ATP11A: variants seen among roughly 807,000 people sequenced by gnomAD.
ATP11A encodes the protein ATPase phospholipid transporting 11A, also known as phospholipid-transporting ATPase IH.
A neutral mutation model predicts 154.4 loss-of-function variants in ATP11A; 81 were observed. The observed-to-expected ratio is 0.52, with a 90% CI of 0.44 to 0.63. ATP11A has a LOEUF of 0.63. Among genes scored for constraint, ATP11A ranks in the 30% least tolerant of loss-of-function variants. ATP11A has a pLI of 0.00. For synonymous variants in ATP11A, 623 were observed against 585.9 expected (o/e 1.06, Z -0.91); for missense variants, 1,316 against 1,474.3 (o/e 0.89, Z 1.76).
chr13:112,769,822 G>A (rs942692359), intron 1 of ATP11A, among the ~76,000 whole-genome samples: 1 of 152,220 alleles, frequency 6.6e-6, no homozygotes, highest in South Asian at 2.1e-4. Context: ...TCAGAGCCGC[G>A]GGGAAGCCAG....
intron 17 of ATP11A, among the ~76,000 whole-genome samples, chr13:112,844,801 T>TACTAACCA (rs1566562568): frequency 4.3e-5 from 3 of 69,004 alleles, no homozygotes; most frequent in African/African-American, 2.4e-4. Context: ...CGGGTGTTAG[T>TACTAACCA]GGTACTAACC....
chr13:112,766,116 C>G (rs2077071059), intron 1 of ATP11A, among the ~76,000 whole-genome samples: 1 of 152,068 alleles, frequency 6.6e-6, no homozygotes, highest in African/African-American at 2.4e-5. Flanking sequence ...AGACGGACTT[C>G]TTATTCTTCA....
intron 1 of ATP11A, among the ~76,000 whole-genome samples, chr13:112,723,285 T>TCCCCACCTCCCCCCCCCCCCCCCACCC (rs146915840): frequency 8.8e-5 from 1 of 11,394 alleles, no homozygotes; most frequent in African/African-American, 4.0e-4. Flanking sequence ...GCCACAGAGT[T>TCCCCACCTCCCCCCCCCCCCCCCACCC]CCCCACCTCC....
chr13:112,837,131 G>C (rs1051837772), intron 16 of ATP11A, among the ~76,000 whole-genome samples: 6 of 152,192 alleles, frequency 3.9e-5, no homozygotes, highest in Non-Finnish European at 5.9e-5. Context: ...GGGCCCGTGG[G>C]CTCCGTCTGC....
At chr13:112,811,278 A>G (rs1403038541) in intron 5 of ATP11A, among the ~76,000 whole-genome samples, 1 of 150,518 alleles carries the variant, frequency 6.6e-6, no homozygotes, top group Non-Finnish European at 1.5e-5. Context: ...CCATCCCCAC[A>G]CACACCCTCC....
intron 15 of ATP11A, 29 bp from the exon 16 acceptor site, chr13:112,836,149 C>A: frequency 1.9e-6 from 3 of 1,562,208 alleles, no homozygotes; most frequent in Non-Finnish European, 2.6e-6. Flanking sequence ...CCCGTGTGGA[C>A]GGTGTGACCT....
intron 1 of ATP11A, among the ~76,000 whole-genome samples, chr13:112,748,695 A>G (rs2139797673): frequency 6.6e-6 from 1 of 152,290 alleles, no homozygotes; most frequent in Middle Eastern, 3.4e-3. Flanking sequence ...ATAGTCATTT[A>G]TGCTTCTTCC....
intron 1 of ATP11A, among the ~76,000 whole-genome samples, chr13:112,773,529 A>G (rs960566270): frequency 6.6e-6 from 1 of 152,152 alleles, no homozygotes; most frequent in Non-Finnish European, 1.5e-5. Flanking sequence ...TGAAAGAGCA[A>G]ATGAAGGGAA....
At chr13:112,828,837 C>A (rs1401320009) in intron 12 of ATP11A, among the ~76,000 whole-genome samples, 1 of 152,232 alleles carries the variant, frequency 6.6e-6, no homozygotes, top group African/African-American at 2.4e-5. Context: ...CATCTGACCG[C>A]AGCTCTGTGG....
At chr13:112,824,269 G>A (rs547601015) in intron 9 of ATP11A, 75 bp from the exon 10 acceptor site, 57 of 1,140,992 alleles carry the variant, frequency 5.0e-5, no homozygotes, top group Middle Eastern at 3.9e-4. Flanking sequence ...GATTTTCCCC[G>A]CAGCTGTGTG....
intron 14 of ATP11A, among the ~76,000 whole-genome samples, chr13:112,834,157 G>A (rs1051680195): frequency 2.6e-5 from 4 of 152,246 alleles, no homozygotes; most frequent in East Asian, 1.9e-4. Flanking sequence ...TTCGTTCCCC[G>A]TCAGTGACTC....
chr13:112,823,676 A>C (rs1182851183), intron 9 of ATP11A, among the ~76,000 whole-genome samples: 1 of 152,224 alleles, frequency 6.6e-6, no homozygotes, highest in Non-Finnish European at 1.5e-5. Context: ...GAATTTGTGA[A>C]GTTTAGTTGT....
chr13:112,704,056 A>G (rs1377821439), intron 1 of ATP11A, among the ~76,000 whole-genome samples: 2 of 152,186 alleles, frequency 1.3e-5, no homozygotes, highest in African/African-American at 2.4e-5. Context: ...TGCACTTGAA[A>G]TGCAGGTCAG....
intron 1 of ATP11A, among the ~76,000 whole-genome samples, chr13:112,770,774 T>A (rs185820): frequency 6.6e-6 from 1 of 151,848 alleles, no homozygotes; most frequent in Non-Finnish European, 1.5e-5. Flanking sequence ...CCTGGACTGC[T>A]AGGAGGCGGC....
chr13:112,722,335 T>A (rs1889302258), intron 1 of ATP11A, among the ~76,000 whole-genome samples: 1 of 149,928 alleles, frequency 6.7e-6, no homozygotes, highest in Non-Finnish European at 1.5e-5. Flanking sequence ...GGGGAGAGGG[T>A]TTCCAGGTTA....
In ATP11A at chr13:112,858,316, C is replaced by T. The variant is rs532848715; in HGVS notation, c.2667+26C>T. On this transcript the variant is annotated intron_variant, in intron 22 of 29. Transcript: ENST00000375645. ...GTAGGAGGGTCGCCGCTCCCCCTCA[C>T]GGTGTTAGCAACAGGTCACGCACAG... 37 of 1,596,516 alleles carry T rather than the reference C, an allele frequency of 2.3e-5. No individual in the cohort carries two copies. In the South Asian group the frequency reaches 2.7e-4, roughly 12 times the overall value.
chr13:112,806,507 G>A (rs539466707), intron 4 of ATP11A, among the ~76,000 whole-genome samples: 2 of 152,186 alleles, frequency 1.3e-5, no homozygotes, highest in African/African-American at 2.4e-5. Flanking sequence ...ATGCGAGTTC[G>A]AGAAGAAATC....
In ATP11A at chr13:112,718,002, G is replaced by A. The variant is rs572512596; in HGVS notation, c.39+27547G>A. Among the ~76,000 whole-genome samples, 5 of 152,310 alleles carry A rather than the reference G, an allele frequency of 3.3e-5. No homozygotes were observed. The South Asian group carries it at 8.3e-4, about 25-fold the overall frequency. On this transcript the variant is annotated intron_variant, in intron 1 of 29. Coordinates refer to ENST00000375645, the MANE Select transcript of ATP11A (RefSeq NM_015205.3). ...GAGTCAGGAGAATCACTTGAACCCA[G>A]GAGGCAGAGGTTGCAGTGAGCCAAG...
At chr13:112,876,151 C>G in intron 28 of ATP11A, 1 of 449,774 alleles carries the variant, frequency 2.2e-6, no homozygotes, top group South Asian at 8.6e-5. Context: ...TCAACCTAAA[C>G]AGTCATCTGA....
Sources: gnomAD v4.1 joint callset for allele counts (sites outside exome capture counted in the v4.1 genomes callset) on GRCh38, gnomAD v4.1.1 for gene constraint, MANE v1.5 for transcripts, NCBI Gene and HGNC (gene_info 2026-07-23, HGNC 2026-07-21) for gene names.